The following ASIC2 variants were observed in gnomAD, a reference collection of about 807,000 sequenced individuals.
ASIC2 encodes the protein acid sensing ion channel subunit 2.
A neutral mutation model predicts 57.3 loss-of-function variants in ASIC2; 25 were observed. That is an observed-to-expected ratio of 0.44 (90% CI 0.32 to 0.61). The LOEUF (loss-of-function observed/expected upper bound fraction) is 0.61. Ranked by LOEUF, ASIC2 falls within the 20% of genes least tolerant of loss-of-function variation. ASIC2 has a pLI of 0.06. For missense variants in ASIC2, 641 were observed against 738.1 expected (o/e 0.87, Z 1.52); for synonymous variants, 319 against 307.5 (o/e 1.04, Z -0.39).
At chr17:34,120,898 C>G (rs1911598668) in intron 1 of ASIC2, among the ~76,000 whole-genome samples, 1 of 150,480 alleles carries the variant, frequency 6.6e-6, no homozygotes, top group African/African-American at 2.5e-5. Context: ...GCCACCACGC[C>G]TGGCTAATTT....
intron 1 of ASIC2, among the ~76,000 whole-genome samples, chr17:33,991,171 A>G (rs1187193395): frequency 2.0e-5 from 3 of 152,362 alleles, no homozygotes; most frequent in African/African-American, 4.8e-5. Context: ...GAAGAAAAAT[A>G]TCTTTTCCTT....
chr17:33,062,848 G>A (rs1231878869), intron 3 of ASIC2, among the ~76,000 whole-genome samples: 1 of 140,746 alleles, frequency 7.1e-6, no homozygotes, highest in Non-Finnish European at 1.6e-5. Flanking sequence ...GGGTGCTCCT[G>A]TATTGGGTGC....
At chr17:33,927,051 C>T (rs577992009) in intron 1 of ASIC2, among the ~76,000 whole-genome samples, 2 of 152,246 alleles carry the variant, frequency 1.3e-5, no homozygotes, top group Non-Finnish European at 2.9e-5. Flanking sequence ...GTCTCAGCCT[C>T]CTGAGTAGCT....
chr17:33,113,585 C>T (rs1187353612), intron 1 of ASIC2, among the ~76,000 whole-genome samples: 1 of 152,206 alleles, frequency 6.6e-6, no homozygotes, highest in Non-Finnish European at 1.5e-5. Context: ...TTTCAGTGCA[C>T]AGGCAAGTAA....
At chr17:33,962,291 G>A (rs535022246) in intron 1 of ASIC2, among the ~76,000 whole-genome samples, 1 of 152,190 alleles carries the variant, frequency 6.6e-6, no homozygotes, top group African/African-American at 2.4e-5. Context: ...GGCCAGCTGA[G>A]GCAGGGGTGT....
chr17:33,661,633 T>A (rs1300788603), intron 1 of ASIC2, among the ~76,000 whole-genome samples: 1 of 152,242 alleles, frequency 6.6e-6, no homozygotes, highest in Non-Finnish European at 1.5e-5. Context: ...ACCTGAGCTT[T>A]GCCTTATGCT....
At chr17:33,915,673 C>T (rs954642542) in intron 1 of ASIC2, among the ~76,000 whole-genome samples, 4 of 152,304 alleles carry the variant, frequency 2.6e-5, no homozygotes, top group Admixed American at 2.0e-4. Flanking sequence ...CTGCAGAGGC[C>T]GCTGCAATAA....
intron 1 of ASIC2, among the ~76,000 whole-genome samples, chr17:33,431,192 A>G (rs1286974025): frequency 6.6e-6 from 1 of 152,208 alleles, no homozygotes; most frequent in Non-Finnish European, 1.5e-5. Flanking sequence ...AAAGGATGAA[A>G]CAGTCCAGAC....
Position 34,047,498 on chromosome 17 carries a change from C to A in ASIC2, c.555+108480G>T, listed in dbSNP as rs184024164. On this transcript the variant is annotated intron_variant, in intron 1 of 9. Coordinates refer to the ASIC2 transcript ENST00000359872. ...TTTGCTATTCTTAACATGATGTACA[C>A]CTTTCTCCAGAAAAAAAAAAAAAAA... Among the ~76,000 whole-genome samples the A allele has an allele frequency of 3.2e-3, 369 of 115,282 alleles. 2 individuals are homozygous for A. Among genetic ancestry groups the A allele is most frequent in the Middle Eastern group, 0.029 (6 of 210 alleles). The allele number at this position is 115,282 out of a possible 152,430, so 75.6% of individuals were successfully genotyped here.
intron 1 of ASIC2, among the ~76,000 whole-genome samples, chr17:33,516,728 G>A (rs1452499631): frequency 6.6e-6 from 1 of 152,212 alleles, no homozygotes; most frequent in Non-Finnish European, 1.5e-5. Context: ...CCTTGGAGGT[G>A]CCTGGCTTAG....
chr17:33,374,651 C>CA (rs1454856416), intron 1 of ASIC2, among the ~76,000 whole-genome samples: 1 of 152,158 alleles, frequency 6.6e-6, no homozygotes, highest in Non-Finnish European at 1.5e-5. Flanking sequence ...AGGAAGAACC[C>CA]AACAGGTAAT....
chr17:33,069,923 C>T lies in ASIC2; in HGVS notation c.987+18940G>A, dbSNP rs371350063. On this transcript the variant is annotated intron_variant, in intron 3 of 9. Transcript: ENST00000225823. ...CATTTTTTTCTCTTTTCTCCCTTCC[C>T]TCATTTTCTGCCTCCAACTGCAGTA... Among the ~76,000 whole-genome samples, 43 of 152,150 alleles carry T rather than the reference C, an allele frequency of 2.8e-4. No homozygotes were observed. In the South Asian group the frequency reaches 3.5e-3, roughly 12 times the overall value.
chr17:34,090,919 C>T (rs1303314790), intron 1 of ASIC2, among the ~76,000 whole-genome samples: 1 of 152,228 alleles, frequency 6.6e-6, no homozygotes, highest in Non-Finnish European at 1.5e-5. Context: ...CTGGGAGGAG[C>T]TAGCAGTCTT....
At chr17:33,664,693 C>G (rs796194135) in intron 1 of ASIC2, among the ~76,000 whole-genome samples, 1 of 152,204 alleles carries the variant, frequency 6.6e-6, no homozygotes, top group East Asian at 1.9e-4. Context: ...GAGCTCCCCC[C>G]TCTTCTTTAA....
At chr17:33,118,807 C>G (rs1211228138) in intron 1 of ASIC2, among the ~76,000 whole-genome samples, 1 of 152,150 alleles carries the variant, frequency 6.6e-6, no homozygotes, top group African/African-American at 2.4e-5. Flanking sequence ...CTTCTGTTTG[C>G]ACATGCCAGG....
chr17:33,746,209 T>C (rs1208621226), intron 1 of ASIC2, among the ~76,000 whole-genome samples: 1 of 151,380 alleles, frequency 6.6e-6, no homozygotes, highest in African/African-American at 2.4e-5. Context: ...ATTCTATAAA[T>C]GTATACATGT....
chr17:33,460,100 C>T (rs1259495390), intron 1 of ASIC2, among the ~76,000 whole-genome samples: 3 of 152,166 alleles, frequency 2.0e-5, no homozygotes, highest in African/African-American at 7.2e-5. Flanking sequence ...TTTTGCTTGC[C>T]TCCAACACAT....
At chr17:33,643,646 C>G (rs17249950) in intron 1 of ASIC2, among the ~76,000 whole-genome samples, 6,577 of 152,254 alleles carry the variant, frequency 0.043, 171 homozygotes, top group Middle Eastern at 0.12. Flanking sequence ...AAACCTCTTT[C>G]TATACTAGCT....
chr17:33,331,882 G>T (rs115455273), intron 1 of ASIC2, among the ~76,000 whole-genome samples: 1 of 152,226 alleles, frequency 6.6e-6, no homozygotes, highest in Non-Finnish European at 1.5e-5. Context: ...AGGCAACTGC[G>T]AATAGGACAA....
Sources: allele counts gnomAD v4.1 joint callset (sites outside exome capture counted in the v4.1 genomes callset), GRCh38; gene constraint gnomAD v4.1.1; transcripts MANE v1.5; gene names NCBI Gene and HGNC (gene_info 2026-07-23, HGNC 2026-07-21).